The following CAMK4 variants were observed in gnomAD, a reference collection of about 807,000 sequenced individuals.
CAMK4 encodes calcium/calmodulin-dependent protein kinase type IV.
Under a neutral mutation model 44.9 loss-of-function variants are expected in CAMK4, and 22 were observed. The ratio of observed to expected loss-of-function variants is 0.49; its 90% CI spans 0.35 to 0.70. The LOEUF (loss-of-function observed/expected upper bound fraction) is 0.70, where lower values mean the gene tolerates loss of function less well. Ranked by LOEUF, CAMK4 falls within the 30% of genes least tolerant of loss-of-function variation. The pLI, the probability that CAMK4 is intolerant of heterozygous loss-of-function variation, is 0.01. For synonymous variants in CAMK4, 218 were observed against 215.4 expected (o/e 1.01, Z -0.11); for missense variants, 498 against 586.8 (o/e 0.85, Z 1.56).
At position 111,466,541 on chromosome 5, in the gene CAMK4, C is replaced by T. The variant is rs149844698; in HGVS notation, c.626-6770C>T. Among the ~76,000 whole-genome samples, 662 of 152,190 alleles carry T rather than the reference C, an allele frequency of 4.3e-3. 3 individuals carry two copies. The highest frequency in any genetic ancestry group is 0.02 in the Middle Eastern group (6 of 294). ...TAATGTACACAAATCAGTAGCTCTG[C>T]GATACACCAACAGCAAACAAGATGA... On this transcript the variant is annotated intron_variant, in intron 7 of 10. Coordinates refer to ENST00000282356, the MANE Select transcript of CAMK4 (RefSeq NM_001744.6).
intron 1 of CAMK4, among the ~76,000 whole-genome samples, chr5:111,232,470 A>G (rs1463877136): frequency 6.6e-6 from 1 of 152,050 alleles, no homozygotes; most frequent in Admixed American, 6.5e-5. Flanking sequence ...AGGACAGAAA[A>G]ATTCAGGATA....
In CAMK4 at chr5:111,484,196, A is replaced by T; in HGVS notation, c.1152A>T (p.Gln384His). ...AGAAAATTCAAGGCGATGGGGCCCA[A>T]GCCGCAGTTAAGGGGGCACAGGCTG... The part of the protein sequence containing the change: ...EGEKIQGDGA[Q>H]AAVKGAQAEL... The change falls in exon 11 of 11, where the codon CAA becomes CAT. Residue 384 changes from glutamine (Q) to histidine (H), a missense_variant. By Grantham distance (24) the Gln-to-His change is conservative. This residue lies in a region of CAMK4 where 143 missense variants were observed against 144.9 expected (regional missense o/e 0.99). Coordinates refer to ENST00000282356, the MANE Select transcript of CAMK4 (RefSeq NM_001744.6). The surrounding 1 kb of genome is among the most constrained non-coding windows in gnomAD (Gnocchi z 5.3). 1 of 1,614,140 alleles carries T rather than the reference A, an allele frequency of 6.2e-7. No individual in the cohort carries two copies. Among genetic ancestry groups the T allele is most frequent in the South Asian group, 1.1e-5 (1 of 91,068 alleles).
chr5:111,295,858 G>A (rs758636751), intron 1 of CAMK4, among the ~76,000 whole-genome samples: 29 of 152,164 alleles, frequency 1.9e-4, no homozygotes, highest in Non-Finnish European at 4.0e-4. Flanking sequence ...GTTTCAAAAA[G>A]TGAGGTTGAA....
rs1561516924 is a variant in CAMK4 at position 111,484,715 on chromosome 5, A to G, written c.*249A>G. The G allele has an allele frequency of 3.0e-6, 1 of 335,648 alleles. No individual in the cohort carries two copies. The highest frequency in any genetic ancestry group is 5.4e-6 in the Non-Finnish European group (1 of 186,886). The allele number at this position is 335,648 out of a possible 1,614,324, so 20.8% of individuals were successfully genotyped here. A position where few individuals can be genotyped will look rare whatever the true frequency, so the allele number is the denominator to read the frequency against. On this transcript the variant is annotated 3_prime_UTR_variant, in exon 11 of 11. Transcript: ENST00000282356. This position sits in a 1 kb window ranked among gnomAD's most constrained non-coding sequence, Gnocchi z 5.3. ...TAAATCTTGCAAGTTAACACAACGT[A>G]ACACTTAAAAGCATACATTTTCAGC... is the stretch of plus-strand genomic sequence containing the variant.
intron 1 of CAMK4, among the ~76,000 whole-genome samples, chr5:111,249,497 T>C (rs1749383404): frequency 6.6e-6 from 1 of 150,984 alleles, no homozygotes; most frequent in Non-Finnish European, 1.5e-5. Context: ...ATAATTATAA[T>C]AAATTATTTT....
At chr5:111,453,127 C>A (rs1754294273) in intron 7 of CAMK4, among the ~76,000 whole-genome samples, 1 of 152,020 alleles carries the variant, frequency 6.6e-6, no homozygotes, top group Admixed American at 6.6e-5. Flanking sequence ...ATACTCTTGA[C>A]CCAAAGGAAA....
At chr5:111,388,044 C>T (rs539549963) in intron 4 of CAMK4, among the ~76,000 whole-genome samples, 22 of 152,146 alleles carry the variant, frequency 1.4e-4, no homozygotes, top group Non-Finnish European at 3.1e-4. Context: ...AATGGGATGT[C>T]TGAGTTTCAG....
Position 111,327,695 on chromosome 5 carries a change from A to G in CAMK4, c.162-16329A>G, listed in dbSNP as rs371349895. On this transcript the variant is annotated intron_variant, in intron 1 of 10. Transcript: ENST00000282356. ...GTTGTTTCCTGACTTTTTAATGATC[A>G]CCATTCTAACTGGTGTGAGATGGTA... Among the ~76,000 whole-genome samples, 1,206 of 151,112 alleles carry G rather than the reference A, an allele frequency of 8.0e-3. 7 individuals carry two copies. The highest frequency in any genetic ancestry group is 0.027 in the African/African-American group (1,104 of 41,000).
At chr5:111,343,365 G>T (rs187624925) in intron 1 of CAMK4, among the ~76,000 whole-genome samples, 20 of 151,672 alleles carry the variant, frequency 1.3e-4, no homozygotes, top group Admixed American at 1.2e-3. Context: ...AAGCCTGTTT[G>T]GTCTATATTT....
intron 5 of CAMK4, among the ~76,000 whole-genome samples, chr5:111,396,976 A>T (rs946829838): frequency 3.3e-5 from 5 of 152,166 alleles, no homozygotes; most frequent in African/African-American, 1.2e-4. Flanking sequence ...GTCTAGAATC[A>T]TCTCTTGCAA....
Position 111,431,218 on chromosome 5 carries a change from T to C in CAMK4, c.460-15468T>C, listed in dbSNP as rs1753429780. Reference sequence around the variant, plus strand: ...CAGAAACAAATCTATACACCTACAGTGAACTCATCTCTGACAAAGGTGCCA... The same window carrying C: ...CAGAAACAAATCTATACACCTACAGCGAACTCATCTCTGACAAAGGTGCCA... On this transcript the variant is annotated intron_variant, in intron 5 of 10. Coordinates refer to ENST00000282356, the MANE Select transcript of CAMK4 (RefSeq NM_001744.6). Among the ~76,000 whole-genome samples, 3 of 152,022 alleles carry C rather than the reference T, an allele frequency of 2.0e-5. No homozygotes were observed. The South Asian group carries it at 6.2e-4, about 32-fold the overall frequency.
chr5:111,421,019 G>A (rs1056111341), intron 5 of CAMK4, among the ~76,000 whole-genome samples: 2 of 152,180 alleles, frequency 1.3e-5, no homozygotes, highest in Non-Finnish European at 2.9e-5. Flanking sequence ...TATTGATTGG[G>A]GAAGTGATAA....
chr5:111,313,970 G>T lies in CAMK4; in HGVS notation c.162-30054G>T, dbSNP rs577740623. Among the ~76,000 whole-genome samples the T allele has an allele frequency of 2.5e-4, 38 of 152,192 alleles. No individual in the cohort carries two copies. In the South Asian group the frequency reaches 7.3e-3, roughly 29 times the overall value. ...ATTTGTATGGGTATATCGAATTATA[G>T]GAGTAGAATCTTCTTTGTAGTGAAT... On this transcript the variant is annotated intron_variant, in intron 1 of 10. Coordinates refer to ENST00000282356, the MANE Select transcript of CAMK4 (RefSeq NM_001744.6).
chr5:111,292,496 C>T (rs879677940), intron 1 of CAMK4, among the ~76,000 whole-genome samples: 1 of 151,782 alleles, frequency 6.6e-6, no homozygotes, highest in Non-Finnish European at 1.5e-5. Flanking sequence ...ACAGTAAAAG[C>T]CCACCTTATT....
intron 2 of CAMK4, among the ~76,000 whole-genome samples, chr5:111,371,489 T>C (rs1050571264): frequency 1.3e-5 from 2 of 152,168 alleles, no homozygotes; most frequent in African/African-American, 4.8e-5. Context: ...CCAAATTAGA[T>C]TGTAATCTTA....
intron 2 of CAMK4, among the ~76,000 whole-genome samples, chr5:111,358,371 T>G (rs1265025589): frequency 6.6e-6 from 1 of 152,054 alleles, no homozygotes; most frequent in Non-Finnish European, 1.5e-5. Context: ...GGTGTGGCTA[T>G]ATGGGTCAGA....
Position 111,224,726 on chromosome 5 carries a change from G to A in CAMK4, c.161+82G>A. The A allele has an allele frequency of 1.5e-6, 2 of 1,364,180 alleles. No homozygotes were observed. Among genetic ancestry groups the A allele is most frequent in the African/African-American group, 1.5e-5 (1 of 67,716 alleles). 84.5% of individuals were successfully genotyped at this position (1,364,180 alleles called of 1,614,324 possible). A position where few individuals can be genotyped will look rare whatever the true frequency, so the allele number is the denominator to read the frequency against. On this transcript the variant is annotated intron_variant, in intron 1 of 10. Transcript: ENST00000282356. This position sits in a 1 kb window ranked among gnomAD's most constrained non-coding sequence, Gnocchi z 5.7. Reference sequence around the variant, plus strand: ...TCGCAGCGACGGCTCGGAGGGTGCGGGAGCCTGCCTTCGTGCCCTTCGATT... The same window carrying A: ...TCGCAGCGACGGCTCGGAGGGTGCGAGAGCCTGCCTTCGTGCCCTTCGATT...
intron 1 of CAMK4, among the ~76,000 whole-genome samples, chr5:111,292,486 A>G (rs1202577592): frequency 6.6e-6 from 1 of 152,182 alleles, no homozygotes; most frequent in Non-Finnish European, 1.5e-5. Flanking sequence ...GAGGACACAT[A>G]CAGTAAAAGC....
chr5:111,476,535 C>A (rs1050334262), intron 8 of CAMK4, among the ~76,000 whole-genome samples: 1 of 151,810 alleles, frequency 6.6e-6, no homozygotes, highest in African/African-American at 2.4e-5. Context: ...CCTCAGCCTC[C>A]CAAAGTGCTG....
Sources: gnomAD v4.1 joint callset for allele counts (sites outside exome capture counted in the v4.1 genomes callset) on GRCh38, gnomAD v4.1.1 for gene constraint, gnomAD v4.1.1 regional missense constraint, Gnocchi (gnomAD v3.1) non-coding constraint, MANE v1.5 for transcripts, NCBI Gene and HGNC (gene_info 2026-07-23, HGNC 2026-07-21) for gene names.